CHLSN: variants seen among roughly 807,000 people sequenced by gnomAD.
CHLSN encodes cholesin, also known as protein cholesin.
At chr7:984,532 C>G in the CHLSN span, 1 of 1,554,902 alleles carries the variant, frequency 6.4e-7, no homozygotes, top group Non-Finnish European at 8.7e-7. Context: ...GCTGGCCGAC[C>G]GGCCTCCCAT....
the CHLSN span, among the ~76,000 whole-genome samples, chr7:1,011,300 C>G: frequency 6.7e-6 from 1 of 149,658 alleles, no homozygotes; most frequent in Non-Finnish European, 1.5e-5. Context: ...GACCAACACC[C>G]ACACGCCCAG....
chr7:1,125,156 C>T, the CHLSN span, among the ~76,000 whole-genome samples: 1 of 152,196 alleles, frequency 6.6e-6, no homozygotes. Context: ...CCTCATTGGA[C>T]AGGATCCCAG....
the CHLSN span, among the ~76,000 whole-genome samples, chr7:979,332 G>C: frequency 0.62 from 94,662 of 151,978 alleles, 31,616 homozygotes; most frequent in African/African-American, 0.88. Flanking sequence ...AGAGCCAAAT[G>C]CGATCGTCAA....
chr7:1,092,550 G>A, the CHLSN span: 74 of 1,609,502 alleles, frequency 4.6e-5, no homozygotes, highest in Middle Eastern at 1.6e-4. Flanking sequence ...GCTGGCTGCC[G>A]GAGAACGTCT....
chr7:985,627 G>C, the CHLSN span, among the ~76,000 whole-genome samples: 3 of 152,166 alleles, frequency 2.0e-5, no homozygotes, highest in Admixed American at 1.3e-4. Context: ...AGAATTGCGG[G>C]GGGCTCCATG....
At chr7:1,100,604 C>T in the CHLSN span, among the ~76,000 whole-genome samples, 1 of 152,170 alleles carries the variant, frequency 6.6e-6, no homozygotes, top group Admixed American at 6.5e-5. Flanking sequence ...CATGACCAGC[C>T]CCTGCCTTCC....
chr7:1,133,891 C>T, the CHLSN span, among the ~76,000 whole-genome samples: 11 of 152,098 alleles, frequency 7.2e-5, no homozygotes, highest in South Asian at 6.2e-4. Flanking sequence ...ACTGCAGCCT[C>T]GACCACCCAG....
chr7:1,067,306 G>A, the CHLSN span, among the ~76,000 whole-genome samples: 2 of 95,686 alleles, frequency 2.1e-5, 1 homozygote, highest in African/African-American at 8.3e-5. Flanking sequence ...GTCTGTTGGA[G>A]GCTGGAATAC....
the CHLSN span, among the ~76,000 whole-genome samples, chr7:995,267 G>A: frequency 0.6 from 91,898 of 152,106 alleles, 29,720 homozygotes; most frequent in African/African-American, 0.85. Context: ...ACTTCTCTGC[G>A]CCACCCTTCG....
the CHLSN span, among the ~76,000 whole-genome samples, chr7:1,070,529 ACAC>A: frequency 6.7e-6 from 1 of 149,716 alleles, no homozygotes; most frequent in Non-Finnish European, 1.5e-5. Context: ...GCATACACAT[ACAC>A]CACGTGCACA....
At chr7:1,112,954 C>A in the CHLSN span, among the ~76,000 whole-genome samples, 1 of 152,138 alleles carries the variant, frequency 6.6e-6, no homozygotes, top group South Asian at 2.1e-4. Flanking sequence ...AAGCCAAAGC[C>A]CAGAGATCCA....
the CHLSN span, among the ~76,000 whole-genome samples, chr7:1,047,527 C>G: frequency 1.3e-5 from 2 of 152,238 alleles, no homozygotes; most frequent in African/African-American, 4.8e-5. Flanking sequence ...GCATCTGGCT[C>G]CTAGGAGCTG....
At chr7:1,016,594 CACAGCAGCGT>C in the CHLSN span, among the ~76,000 whole-genome samples, 26,027 of 108,280 alleles carry the variant, frequency 0.24, 4,881 homozygotes, top group African/African-American at 0.34. Flanking sequence ...CACAGCACCA[CACAGCAGCGT>C]ACAGCAGCGC....
At chr7:1,008,301 G>A in the CHLSN span, among the ~76,000 whole-genome samples, 1,146 of 152,294 alleles carry the variant, frequency 7.5e-3, 15 homozygotes, top group African/African-American at 0.022. Flanking sequence ...AGCCCTCTCT[G>A]TCTACAGCGA....
chr7:978,853 G>A, the CHLSN span, among the ~76,000 whole-genome samples: 1 of 152,262 alleles, frequency 6.6e-6, no homozygotes, highest in Non-Finnish European at 1.5e-5. Context: ...GCTTGGTGGA[G>A]ACATTCCACG....
the CHLSN span, among the ~76,000 whole-genome samples, chr7:1,061,019 G>GC: frequency 5.3e-3 from 805 of 152,294 alleles, 3 homozygotes; most frequent in Non-Finnish European, 7.7e-3. Flanking sequence ...ATACTTTCCA[G>GC]CCCCCCTTGG....
the CHLSN span, among the ~76,000 whole-genome samples, chr7:1,017,719 C>A: frequency 6.6e-6 from 1 of 151,800 alleles, no homozygotes; most frequent in African/African-American, 2.4e-5. Context: ...CGCGGGCAGC[C>A]GCGGACGGCG....
chr7:1,108,751 C>T, the CHLSN span, among the ~76,000 whole-genome samples: 1 of 152,308 alleles, frequency 6.6e-6, no homozygotes, highest in African/African-American at 2.4e-5. Context: ...ACACACACGC[C>T]CCTACCGTGT....
At chr7:1,000,601 G>T in the CHLSN span, 1 of 1,475,488 alleles carries the variant, frequency 6.8e-7, no homozygotes, top group Non-Finnish European at 9.3e-7. Flanking sequence ...AAGACTCCCG[G>T]GCAGCTGTCT....
Sources: gnomAD v4.1 joint callset for allele counts (sites outside exome capture counted in the v4.1 genomes callset) on GRCh38, gnomAD v4.1.1 for gene constraint, MANE v1.5 for transcripts, NCBI Gene and HGNC (gene_info 2026-07-23, HGNC 2026-07-21) for gene names.